Variants in PCDHA7 observed in about 807,000 individuals in gnomAD.
PCDHA7 encodes the protein protocadherin alpha 7.
Under a neutral mutation model 57.2 loss-of-function variants are expected in PCDHA7, and 37 were observed. The ratio of observed to expected loss-of-function variants is 0.65; its 90% confidence interval spans 0.50 to 0.85. The LOEUF is 0.85. Ranked by LOEUF, PCDHA7 falls within the 40% of genes least tolerant of loss-of-function variation. PCDHA7 has a pLI of 0.00. For missense variants in PCDHA7, 1,188 were observed against 1,241.8 expected (o/e 0.96, Z 0.65); for synonymous variants, 553 against 558.8 (o/e 0.99, Z 0.15).
intron 1 of PCDHA7, chr5:140,859,356 A>C (rs1159666697): frequency 7.9e-6 from 2 of 251,624 alleles, no homozygotes; most frequent in Admixed American, 9.1e-5. Flanking sequence ...TACTGATCTG[A>C]TATATTGTAT....
intron 1 of PCDHA7, among the ~76,000 whole-genome samples, chr5:140,873,139 A>G (rs1325307438): frequency 6.6e-6 from 1 of 152,216 alleles, no homozygotes; most frequent in Non-Finnish European, 1.5e-5. Context: ...TCTATGCTGA[A>G]GCCTATTCAT....
rs782636217 is a variant in PCDHA7 at position 140,928,409 on chromosome 5, C to T, written c.2356-50540C>T. The T allele has an allele frequency of 1.9e-6, 3 of 1,614,030 alleles. No individual in the cohort carries two copies. The Admixed American group carries it at 5.0e-5, about 27-fold the overall frequency. On this transcript the variant is annotated intron_variant, in intron 1 of 3. Coordinates refer to ENST00000525929, the MANE Select transcript of PCDHA7 (RefSeq NM_018910.3). ...CTGGCAGTGGAATCATCCAGTGGGG[C>T]CATCACTGCCAAAACTTCCTTTGAC...
rs150829264 is a variant in PCDHA7 at position 140,948,791 on chromosome 5, A to G, written c.2356-30158A>G. 2.3e-3 allele frequency among the ~76,000 whole-genome samples: 342 copies of G among 151,342 alleles called. 1 individual carries two copies. Among genetic ancestry groups the G allele is most frequent in the Non-Finnish European group, 4.4e-3 (295 of 67,454 alleles). ...ATAGCCAGCTTTTGGCTTTGTTGAT[A>G]TATTTTCTATTGTTTGGTTTCTATT... On this transcript the variant is annotated intron_variant, in intron 1 of 3. Coordinates refer to ENST00000525929, the MANE Select transcript of PCDHA7 (RefSeq NM_018910.3).
At chr5:140,882,655 C>T in intron 1 of PCDHA7, 5 of 1,614,196 alleles carry the variant, frequency 3.1e-6, no homozygotes, top group Non-Finnish European at 4.2e-6. Context: ...TTAACGACAA[C>T]CCGCCCATAT....
chr5:140,930,196 T>A (rs1554207641), intron 1 of PCDHA7: 3 of 152,226 alleles, frequency 2.0e-5, no homozygotes, highest in African/African-American at 7.2e-5. Context: ...AATTTTTATG[T>A]CAGAAATATT....
rs111391918 is a variant in PCDHA7 at position 140,984,395 on chromosome 5, G to A, written c.2503+1832G>A. ...CCCTCTTTCAGATTCAAAAAATGTTGAGAACCTATCTTTTTTACAGAGATA... is the reference window on the plus strand; with the variant it reads ...CCCTCTTTCAGATTCAAAAAATGTTAAGAACCTATCTTTTTTACAGAGATA... On this transcript the variant is annotated intron_variant, in intron 3 of 3. Coordinates refer to ENST00000525929, the MANE Select transcript of PCDHA7 (RefSeq NM_018910.3). 6.4e-3 allele frequency among the ~76,000 whole-genome samples: 978 copies of A among 152,194 alleles called. 14 individuals are homozygous for A. Among genetic ancestry groups the A allele is most frequent in the African/African-American group, 0.023 (947 of 41,508 alleles).
chr5:140,864,177 A>G (rs2048351584), intron 1 of PCDHA7: 1 of 152,222 alleles, frequency 6.6e-6, no homozygotes, highest in Non-Finnish European at 1.5e-5. Context: ...AAGGATCATG[A>G]TGAATAATGA....
chr5:140,961,965 C>T (rs1292120191), intron 1 of PCDHA7, among the ~76,000 whole-genome samples: 9 of 151,536 alleles, frequency 5.9e-5, no homozygotes, highest in Non-Finnish European at 8.8e-5. Context: ...CTCACTGCAA[C>T]CTCCGCCTCC....
intron 1 of PCDHA7, among the ~76,000 whole-genome samples, chr5:140,952,990 G>T (rs1218296143): frequency 6.6e-6 from 1 of 152,042 alleles, no homozygotes; most frequent in Non-Finnish European, 1.5e-5. Context: ...GATCTCATGA[G>T]AACTCTCTCA....
intron 1 of PCDHA7, chr5:140,967,594 G>A: frequency 6.2e-7 from 1 of 1,614,142 alleles, no homozygotes; most frequent in Non-Finnish European, 8.5e-7. Flanking sequence ...GCACATTGGT[G>A]GTGAAGCTGA....
In PCDHA7 at chr5:140,835,889, C is replaced by T. The variant is rs1774023862; in HGVS notation, c.1506C>T (p.Arg502=). 2 of 1,611,938 alleles carry T rather than the reference C, an allele frequency of 1.2e-6. No individual in the cohort carries two copies. Among genetic ancestry groups the T allele is most frequent in the East Asian group, 2.2e-5 (1 of 44,820 alleles). The change falls in exon 1 of 4, where the codon CGC becomes CGT. Residue 502 remains arginine (R), a synonymous_variant. Coordinates refer to ENST00000525929, the MANE Select transcript of PCDHA7 (RefSeq NM_018910.3). ...TGGTGGAGCTGCGGGTGGGCGAGCG[C>T]GCGCTGTCGAGCTACGTGTCAGTGC... is the stretch of plus-strand genomic sequence containing the variant. The part of the protein sequence containing the change: ...YSLVELRVGE[R]ALSSYVSVHA...
intron 1 of PCDHA7, among the ~76,000 whole-genome samples, chr5:140,840,970 A>G (rs1440529363): frequency 2.6e-5 from 4 of 152,082 alleles, no homozygotes; most frequent in African/African-American, 7.2e-5. Flanking sequence ...TTCCTTATGA[A>G]GAAGAAATCC....
chr5:140,924,103 TC>T (rs1377290150), intron 1 of PCDHA7, among the ~76,000 whole-genome samples: 1 of 152,234 alleles, frequency 6.6e-6, no homozygotes, highest in African/African-American at 2.4e-5. Flanking sequence ...AAATTTTCAT[TC>T]CAAAGCAGTT....
chr5:140,937,653 C>G (rs930742748), intron 1 of PCDHA7, among the ~76,000 whole-genome samples: 1 of 151,298 alleles, frequency 6.6e-6, no homozygotes, highest in Non-Finnish European at 1.5e-5. Context: ...TGGCTCACGC[C>G]TGTAATCCCA....
chr5:140,884,504 G>A (rs782001863), intron 1 of PCDHA7: 5 of 1,614,180 alleles, frequency 3.1e-6, no homozygotes, highest in Admixed American at 3.3e-5. Flanking sequence ...CAGCGCGGCA[G>A]GGAGTTGGTC....
intron 1 of PCDHA7, chr5:140,877,883 A>T: frequency 1.4e-6 from 2 of 1,460,312 alleles, no homozygotes; most frequent in East Asian, 2.5e-5. Context: ...TCCTTGAAGA[A>T]CTTCCGTTTA....
chr5:140,914,801 A>G (rs976508278), intron 1 of PCDHA7, among the ~76,000 whole-genome samples: 2 of 152,164 alleles, frequency 1.3e-5, no homozygotes, highest in African/African-American at 4.8e-5. Context: ...TTTTAAACTG[A>G]TGGCAACTTA....
chr5:140,966,859 G>A, intron 1 of PCDHA7: 1 of 1,577,136 alleles, frequency 6.3e-7, no homozygotes. Flanking sequence ...TCCTGCTGCT[G>A]TTGCTGCTGC....
intron 1 of PCDHA7, among the ~76,000 whole-genome samples, chr5:140,918,603 A>G (rs2078773753): frequency 6.6e-6 from 1 of 152,252 alleles, no homozygotes; most frequent in African/African-American, 2.4e-5. Context: ...AGATGTTGCT[A>G]TGATATGAAT....
Sources: gnomAD v4.1 joint callset for allele counts (sites outside exome capture counted in the v4.1 genomes callset) on GRCh38, gnomAD v4.1.1 for gene constraint, MANE v1.5 for transcripts, NCBI Gene and HGNC (gene_info 2026-07-23, HGNC 2026-07-21) for gene names.